The following NRG2 variants were observed in gnomAD, a reference collection of about 807,000 sequenced individuals.
NRG2 encodes the protein neuregulin 2.
A neutral mutation model predicts 73.9 loss-of-function variants in NRG2; 27 were observed. The ratio of observed to expected loss-of-function variants is 0.37; its 90% CI spans 0.27 to 0.50. The LOEUF is 0.50. NRG2 is among the 20% of genes least tolerant of loss of function. The probability of loss-of-function intolerance (pLI) is 0.96; values close to 1 mark genes in which losing one functional copy is unlikely to be tolerated. For synonymous variants in NRG2, 532 were observed against 541.0 expected, an observed-to-expected ratio of 0.98 and a Z score of 0.23; for missense variants, 1,126 against 1,210.1, an observed-to-expected ratio of 0.93 and a Z score of 1.03.
chr5:139,933,656 A>G (rs1752639491), intron 1 of NRG2, among the ~76,000 whole-genome samples: 1 of 152,226 alleles, frequency 6.6e-6, no homozygotes, highest in South Asian at 2.1e-4. Context: ...GGAAATCTTA[A>G]TACTTTTCTA....
In NRG2 at chr5:139,940,230, T is replaced by C. The variant is rs944647442; in HGVS notation, c.701-52719A>G. The stretch of plus-strand genomic sequence containing the variant: ...ATGGGAATGGATAGACACATTGTGA[T>C]ATATAAAAACAATGGAATACTACTG... On this transcript the variant is annotated intron_variant, in intron 1 of 9. Coordinates refer to ENST00000361474, the MANE Select transcript of NRG2 (RefSeq NM_004883.3). Among the ~76,000 whole-genome samples the C allele has an allele frequency of 5.9e-5, 9 of 152,318 alleles. 1 individual carries two copies. The South Asian group carries it at 8.3e-4, about 14-fold the overall frequency.
intron 1 of NRG2, among the ~76,000 whole-genome samples, chr5:139,996,297 T>C (rs1030790325): frequency 7.9e-5 from 12 of 152,222 alleles, no homozygotes; most frequent in African/African-American, 2.9e-4. Context: ...AATAAACTTC[T>C]GCAAAAATGA....
intron 1 of NRG2, among the ~76,000 whole-genome samples, chr5:140,036,325 C>T (rs1479906847): frequency 6.6e-6 from 1 of 152,198 alleles, no homozygotes; most frequent in Admixed American, 6.5e-5. Flanking sequence ...TGTCTTTTGA[C>T]CCCAGACTGG....
intron 3 of NRG2, among the ~76,000 whole-genome samples, chr5:139,873,518 T>G (rs1447486727): frequency 6.6e-6 from 1 of 152,090 alleles, no homozygotes; most frequent in Non-Finnish European, 1.5e-5. Flanking sequence ...CTGGCCAGAG[T>G]GCAGTGTGTG....
chr5:139,991,729 T>A (rs1213990704), intron 1 of NRG2, among the ~76,000 whole-genome samples: 2 of 152,318 alleles, frequency 1.3e-5, no homozygotes, highest in African/African-American at 2.4e-5. Flanking sequence ...TGGAGTTGAC[T>A]TTTTGTATAG....
chr5:139,859,734 T>C (rs1420876817), intron 5 of NRG2, among the ~76,000 whole-genome samples: 2 of 152,184 alleles, frequency 1.3e-5, no homozygotes, highest in African/African-American at 4.8e-5. Context: ...CAACGTAGTT[T>C]ATGATAGGAC....
intron 1 of NRG2, among the ~76,000 whole-genome samples, chr5:139,978,148 G>A (rs1002434102): frequency 8.6e-5 from 13 of 151,936 alleles, no homozygotes; most frequent in East Asian, 1.9e-4. Context: ...ACCATCAGAG[G>A]GAACAGGCAA....
rs778750853 is a variant in NRG2 at position 139,851,587 on chromosome 5, AG to A, written c.1772+16del. On this transcript the variant is annotated intron_variant, in intron 9 of 9. Transcript: ENST00000361474. The surrounding 1 kb of genome is among the most constrained non-coding windows in gnomAD (Gnocchi z 4.2). The stretch of plus-strand genomic sequence containing the variant: ...CCTCTGGCTAAGCGGGGAATAGGTC[AG>A]GGGGTAGGAACTGACCTCTCGCTGT... The A allele has an allele frequency of 2.5e-6, 4 of 1,611,964 alleles. No homozygotes were observed. In the African/African-American group the frequency reaches 5.3e-5, roughly 22 times the overall value.
chr5:139,923,701 T>C (rs1328623220), intron 1 of NRG2, among the ~76,000 whole-genome samples: 1 of 152,090 alleles, frequency 6.6e-6, no homozygotes, highest in Non-Finnish European at 1.5e-5. Context: ...AAGATCAACC[T>C]CCAAGGTCTC....
intron 1 of NRG2, among the ~76,000 whole-genome samples, chr5:139,948,333 T>C (rs1195411589): frequency 6.6e-6 from 1 of 152,202 alleles, no homozygotes; most frequent in Non-Finnish European, 1.5e-5. Flanking sequence ...GGCTCCCACA[T>C]ACCAACCTTT....
chr5:139,883,459 G>C (rs1763670013), intron 2 of NRG2, among the ~76,000 whole-genome samples: 1 of 152,138 alleles, frequency 6.6e-6, no homozygotes, highest in South Asian at 2.1e-4. Context: ...GGAAGGCTTG[G>C]GTGAGATGTT....
chr5:140,016,619 T>A (rs1759802467), intron 1 of NRG2, among the ~76,000 whole-genome samples: 1 of 152,234 alleles, frequency 6.6e-6, no homozygotes, highest in Admixed American at 6.5e-5. Flanking sequence ...GTTACTACCA[T>A]AAATAAGAGT....
intron 1 of NRG2, among the ~76,000 whole-genome samples, chr5:139,980,349 C>CA (rs10630492): frequency 0.27 from 37,639 of 139,832 alleles, 5,123 homozygotes; most frequent in African/African-American, 0.36. Flanking sequence ...ACAGCATCAC[C>CA]AAAAAAAAAA....
At chr5:139,950,385 G>A (rs988673246) in intron 1 of NRG2, among the ~76,000 whole-genome samples, 5 of 152,210 alleles carry the variant, frequency 3.3e-5, no homozygotes, top group African/African-American at 1.2e-4. Flanking sequence ...TACACCTTCT[G>A]TAGAACATTT....
At chr5:140,017,088 A>G (rs1053317181) in intron 1 of NRG2, among the ~76,000 whole-genome samples, 1 of 152,246 alleles carries the variant, frequency 6.6e-6, no homozygotes, top group Non-Finnish European at 1.5e-5. Flanking sequence ...CCAGCTATGA[A>G]GCAAATACAG....
At chr5:139,996,366 T>C (rs891839515) in intron 1 of NRG2, among the ~76,000 whole-genome samples, 1 of 152,242 alleles carries the variant, frequency 6.6e-6, no homozygotes, top group Admixed American at 6.5e-5. Flanking sequence ...ACAGTCTAGT[T>C]AACCGATGCC....
At position 139,848,600 on chromosome 5, in the gene NRG2, T is replaced by G. The variant is rs1389126483; in HGVS notation, c.1870A>C (p.Asn624His). The change falls in exon 10 of 10, where the codon AAC becomes CAC. Residue 624 changes from asparagine to histidine, a missense_variant. By Grantham distance (68) the Asn-to-His change is moderately conservative. Transcript: ENST00000361474. ...QVPTFEITSPNSAHAVSLPPA... is the reference protein window; with the variant it reads ...QVPTFEITSPHSAHAVSLPPA... Reference sequence around the variant, plus strand: ...GGCAGCGACACGGCGTGCGCCGAGTTGGGGGACGTGATCTCGAAAGTTGGC... The same window carrying G: ...GGCAGCGACACGGCGTGCGCCGAGTGGGGGGACGTGATCTCGAAAGTTGGC... The G allele has an allele frequency of 7.6e-6, 12 of 1,573,696 alleles. No homozygotes were observed. Among genetic ancestry groups the G allele is most frequent in the African/African-American group, 1.4e-5 (1 of 72,120 alleles).
intron 1 of NRG2, among the ~76,000 whole-genome samples, chr5:139,996,443 A>C (rs1469261712): frequency 6.6e-6 from 1 of 152,248 alleles, no homozygotes; most frequent in East Asian, 1.9e-4. Flanking sequence ...ATGAACATCT[A>C]GGAACAAAAT....
At chr5:140,039,819 C>T (rs984294610) in intron 1 of NRG2, among the ~76,000 whole-genome samples, 3 of 152,170 alleles carry the variant, frequency 2.0e-5, no homozygotes, top group Non-Finnish European at 2.9e-5. Context: ...CTCAATGTAA[C>T]GGCCATGACG....
Sources: gnomAD v4.1 joint callset for allele counts (sites outside exome capture counted in the v4.1 genomes callset) on GRCh38, gnomAD v4.1.1 for gene constraint, Gnocchi (gnomAD v3.1) non-coding constraint, MANE v1.5 for transcripts, NCBI Gene and HGNC (gene_info 2026-07-23, HGNC 2026-07-21) for gene names.